The following NRCAM variants were observed in gnomAD, a reference collection of about 807,000 sequenced individuals.
NRCAM encodes the protein NgCAM-related cell adhesion molecule.
In NRCAM, 83 loss-of-function variants were observed where a neutral mutation model predicts 156.5. The ratio of observed to expected loss-of-function variants is 0.53; its 90% CI spans 0.44 to 0.64. The LOEUF (loss-of-function observed/expected upper bound fraction) is 0.64. Among genes scored for constraint, NRCAM ranks in the 30% least tolerant of loss-of-function variants. The pLI, the probability that NRCAM is intolerant of heterozygous loss-of-function variation, is 0.00. For synonymous variants in NRCAM, 538 were observed against 563.9 expected (o/e 0.95, Z 0.65); for missense variants, 1,417 against 1,597.3 (o/e 0.89, Z 1.92).
At chr7:108,267,518 G>A (rs1230028646) in intron 3 of NRCAM, among the ~76,000 whole-genome samples, 2 of 152,054 alleles carry the variant, frequency 1.3e-5, no homozygotes, top group African/African-American at 2.4e-5. Context: ...CCGTATAAAG[G>A]TATTCCACTT....
intron 3 of NRCAM, among the ~76,000 whole-genome samples, chr7:108,303,801 C>T (rs2098671084): frequency 6.6e-6 from 1 of 152,132 alleles, no homozygotes; most frequent in South Asian, 2.1e-4. Flanking sequence ...CAAGGATTTT[C>T]CTGATGCCAC....
intron 2 of NRCAM, among the ~76,000 whole-genome samples, chr7:108,357,949 G>GA (rs11411669): frequency 0.61 from 92,616 of 151,896 alleles, 28,853 homozygotes; most frequent in East Asian, 0.92. Context: ...ATATGGTAGG[G>GA]AGGGTGGGGA....
At chr7:108,330,800 T>C (rs1197117514) in intron 2 of NRCAM, among the ~76,000 whole-genome samples, 3 of 152,174 alleles carry the variant, frequency 2.0e-5, no homozygotes, top group Non-Finnish European at 2.9e-5. Flanking sequence ...CATCAGGTTA[T>C]TATATTTTAT....
chr7:108,287,695 T>C (rs1045286935), intron 3 of NRCAM, among the ~76,000 whole-genome samples: 1 of 151,516 alleles, frequency 6.6e-6, no homozygotes, highest in East Asian at 1.9e-4. Context: ...TGGCTATTAT[T>C]AAAAAGTCAA....
intron 12 of NRCAM, among the ~76,000 whole-genome samples, chr7:108,207,981 G>A (rs916446983): frequency 3.3e-5 from 5 of 152,010 alleles, no homozygotes; most frequent in African/African-American, 7.3e-5. Flanking sequence ...ACATGTACAG[G>A]TAGGGCTAAG....
At chr7:108,368,824 G>A (rs2099610633) in intron 2 of NRCAM, among the ~76,000 whole-genome samples, 1 of 152,050 alleles carries the variant, frequency 6.6e-6, no homozygotes, top group South Asian at 2.1e-4. Context: ...TAAAACTGGT[G>A]GCTTTACTTA....
chr7:108,286,121 T>C (rs1443139559), intron 3 of NRCAM, among the ~76,000 whole-genome samples: 1 of 152,226 alleles, frequency 6.6e-6, no homozygotes, highest in African/African-American at 2.4e-5. Flanking sequence ...AGTAAAACTT[T>C]ATTTATGGTC....
In NRCAM at chr7:108,288,915, GTC is replaced by G. The variant is rs757958357; in HGVS notation, c.-107+23748_-107+23749del. On this transcript the variant is annotated intron_variant, in intron 3 of 32. Transcript: ENST00000379028. ...CTAACGGTTATGATTTAGACCTTGG[GTC>G]TCTTTTATTACTTGCAATGGCTTTT... Among the ~76,000 whole-genome samples the G allele has an allele frequency of 1.0e-3, 155 of 152,030 alleles. 2 individuals carry two copies. The highest frequency in any genetic ancestry group is 9.7e-4 in the Non-Finnish European group (66 of 67,980).
intron 2 of NRCAM, among the ~76,000 whole-genome samples, chr7:108,331,363 T>C (rs1271258576): frequency 6.6e-6 from 1 of 152,076 alleles, no homozygotes; most frequent in Non-Finnish European, 1.5e-5. Context: ...ACTGCACCAC[T>C]GTACTCCATC....
At chr7:108,204,592 G>A (rs1458012453) in intron 13 of NRCAM, among the ~76,000 whole-genome samples, 1 of 152,250 alleles carries the variant, frequency 6.6e-6, no homozygotes, top group Non-Finnish European at 1.5e-5. Flanking sequence ...GCACCACGGA[G>A]CGGCCTGGTG....
At chr7:108,314,567 A>G (rs1034443274) in intron 2 of NRCAM, among the ~76,000 whole-genome samples, 1 of 152,234 alleles carries the variant, frequency 6.6e-6, no homozygotes, top group African/African-American at 2.4e-5. Context: ...CACAGTACAC[A>G]TAACAAATCA....
rs182280881 is a variant in NRCAM at position 108,337,622 on chromosome 7, C to T, written c.-173-24891G>A. Among the ~76,000 whole-genome samples the T allele has an allele frequency of 1.7e-3, 254 of 152,280 alleles. 1 individual carries two copies. The highest frequency in any genetic ancestry group is 0.014 in the Middle Eastern group (4 of 294). On this transcript the variant is annotated intron_variant, in intron 2 of 32. Transcript: ENST00000379028. ...TGGGTTCCACAGTTCTCTTCCATGACCCACGGCTTTTAATAGAGCTATAAC... is the reference window on the plus strand; with the variant it reads ...TGGGTTCCACAGTTCTCTTCCATGATCCACGGCTTTTAATAGAGCTATAAC...
At chr7:108,194,717 G>A (rs989233385) in intron 15 of NRCAM, among the ~76,000 whole-genome samples, 57 of 152,320 alleles carry the variant, frequency 3.7e-4, no homozygotes, top group African/African-American at 1.2e-3. Flanking sequence ...GGTTAAGGTA[G>A]GGGCCAAGGG....
At chr7:108,168,913 A>G (rs1315478002) in intron 28 of NRCAM, among the ~76,000 whole-genome samples, 1 of 152,198 alleles carries the variant, frequency 6.6e-6, no homozygotes, top group African/African-American at 2.4e-5. Flanking sequence ...ATCTGTTTTA[A>G]AAAACAGACT....
intron 3 of NRCAM, among the ~76,000 whole-genome samples, chr7:108,305,157 T>G (rs17155400): frequency 6.6e-6 from 1 of 152,186 alleles, no homozygotes; most frequent in Admixed American, 6.5e-5. Flanking sequence ...TACTCCTCTA[T>G]GGCAAGAAAG....
At chr7:108,208,091 C>T (rs947533624) in intron 12 of NRCAM, among the ~76,000 whole-genome samples, 2 of 150,178 alleles carry the variant, frequency 1.3e-5, no homozygotes, top group South Asian at 2.1e-4. Context: ...GTCAGGAGTT[C>T]GAAACCAGCC....
chr7:108,377,530 G>A (rs932723235), intron 2 of NRCAM, among the ~76,000 whole-genome samples: 2 of 152,070 alleles, frequency 1.3e-5, no homozygotes, highest in Non-Finnish European at 2.9e-5. Context: ...AGAAAGTAAT[G>A]CAATCCCAGG....
chr7:108,253,271 A>T (rs1562959495), intron 3 of NRCAM, among the ~76,000 whole-genome samples: 1 of 152,252 alleles, frequency 6.6e-6, no homozygotes. Flanking sequence ...AACTAAATGC[A>T]AAACAATGTG....
At chr7:108,319,872 GC>G (rs1038127231) in intron 2 of NRCAM, among the ~76,000 whole-genome samples, 1 of 152,200 alleles carries the variant, frequency 6.6e-6, no homozygotes, top group Admixed American at 6.5e-5. Flanking sequence ...GCCACTTGGA[GC>G]CCTGTAGTTC....
Sources: allele counts gnomAD v4.1 joint callset (sites outside exome capture counted in the v4.1 genomes callset), GRCh38; gene constraint gnomAD v4.1.1; transcripts MANE v1.5; gene names NCBI Gene and HGNC (gene_info 2026-07-23, HGNC 2026-07-21).